TTLL8: variants seen among roughly 807,000 people sequenced by gnomAD.
TTLL8 encodes the protein tubulin tyrosine ligase like 8, also known as protein monoglycylase TTLL8.
In TTLL8, 65 loss-of-function variants were observed where a neutral mutation model predicts 77.8. The observed-to-expected ratio is 0.84, with a 90% CI of 0.68 to 1.03. TTLL8 has a LOEUF of 1.03. Ranked by LOEUF, TTLL8 falls within the 50% of genes least tolerant of loss-of-function variation. TTLL8 has a pLI of 0.00. For synonymous variants in TTLL8, 402 were observed against 422.8 expected (o/e 0.95, Z 0.60); for missense variants, 910 against 1,004.5 (o/e 0.91, Z 1.27).
upstream of TTLL8, among the ~76,000 whole-genome samples, chr22:50,056,532 G>C (rs1278817571): frequency 1.3e-5 from 2 of 152,302 alleles, no homozygotes; most frequent in Admixed American, 1.3e-4. This position sits in a 1 kb window ranked among gnomAD's most constrained non-coding sequence, Gnocchi z 4.1. Context: ...CAACGAAGAC[G>C]AGTCTGAAGA....
rs1308773263 is a variant in TTLL8 at position 50,044,331 on chromosome 22, C to A, written c.643+924G>T. 1.3e-5 allele frequency among the ~76,000 whole-genome samples: 2 copies of A among 150,756 alleles called. No individual in the cohort carries two copies. The highest frequency in any genetic ancestry group is 4.9e-5 in the African/African-American group (2 of 40,912). On this transcript the variant is annotated intron_variant, in intron 6 of 13. Transcript: ENST00000266182. This position sits in a 1 kb window ranked among gnomAD's most constrained non-coding sequence, Gnocchi z 4.2. ...AGACTCCATCTCAAAAAAAAAAAAA[C>A]ATTAATTAGGAGGCCATCAGATGAG...
rs2146675037 is a variant in TTLL8 at position 50,041,917 on chromosome 22, G to T, written c.644-110C>A. On this transcript the variant is annotated intron_variant, in intron 6 of 13. Transcript: ENST00000266182. The surrounding 1 kb of genome is among the most constrained non-coding windows in gnomAD (Gnocchi z 4.3). ...GGACAAAGGCTGCTCCACTCCCTCT[G>T]TGCCCCAATACCCAACAAGTATCCC... 1.0e-6 allele frequency: 1 copy of T among 969,014 alleles called. No individual in the cohort carries two copies. The highest frequency in any genetic ancestry group is 1.4e-6 in the Non-Finnish European group (1 of 732,538). The allele number at this position is 969,014 out of a possible 1,614,324, so 60.0% of individuals were successfully genotyped here.
At chr22:50,057,627 G>A (rs1405169007), upstream of TTLL8, among the ~76,000 whole-genome samples, 1 of 73,244 alleles carries the variant, frequency 1.4e-5, no homozygotes, top group African/African-American at 7.9e-5. Context: ...TGGGTTGGGG[G>A]TCAGGTCTGG....
exon 2 of TTLL8, chr22:50,050,140 C>T (rs368760205): frequency 2.3e-4 from 313 of 1,367,140 alleles, no homozygotes; most frequent in Non-Finnish European, 2.7e-4. Context: ...CCTCGACATC[C>T]GGAATGACCT....
In TTLL8 at chr22:50,031,639, C is replaced by T. The variant is rs1218855914; in HGVS notation, c.1707+47G>A. 4.1e-6 allele frequency: 5 copies of T among 1,222,624 alleles called. No individual in the cohort carries two copies. In the African/African-American group the frequency reaches 6.3e-5, roughly 15 times the overall value. The allele number at this position is 1,222,624 out of a possible 1,614,324, so 75.7% of individuals were successfully genotyped here. ...CCCAGTGACCAGGTGGCAAAGCATC[C>T]ACATGGCGGGCGGCCACCAAAGTCC... is the stretch of plus-strand genomic sequence containing the variant. On this transcript the variant is annotated intron_variant, in intron 11 of 13. Coordinates refer to ENST00000266182, the Ensembl canonical transcript of TTLL8.
At chr22:50,056,707 T>TG, upstream of TTLL8, 1 of 977,836 alleles carries the variant, frequency 1.0e-6, no homozygotes, top group Non-Finnish European at 1.2e-6. This position sits in a 1 kb window ranked among gnomAD's most constrained non-coding sequence, Gnocchi z 4.1. Flanking sequence ...CCTGGGGTCC[T>TG]CCGCCTGGAC....
chr22:50,049,865 G>A (rs979401711), intron 2 of TTLL8, among the ~76,000 whole-genome samples: 14 of 152,160 alleles, frequency 9.2e-5, no homozygotes, highest in African/African-American at 3.1e-4. Context: ...CGGGCAGGAG[G>A]AGGCCTGGGT....
Position 50,030,842 on chromosome 22 carries a change from C to T in TTLL8, c.1791G>A (p.Leu597=), listed in dbSNP as rs931649205. Residue 597 remains leucine (L), a synonymous_variant, in exon 12 of 14, where the codon CTG becomes CTA. Transcript: ENST00000266182. ...CCGAGGCCTTGAGGTTGCAGACGGG[C>T]AGCACCTGCCTCCTGGCTCTCCTCA... 6.0e-6 allele frequency: 8 copies of T among 1,340,516 alleles called. No homozygotes were observed. In the Admixed American group the frequency reaches 1.2e-4, roughly 20 times the overall value. The allele number at this position is 1,340,516 out of a possible 1,614,324, so 83.0% of individuals were successfully genotyped here.
At chr22:50,057,624 G>A (rs868198773), upstream of TTLL8, among the ~76,000 whole-genome samples, 5 of 49,694 alleles carry the variant, frequency 1.0e-4, 1 homozygote, top group African/African-American at 1.4e-4. Context: ...GTCTGGGTTG[G>A]GGGTCAGGTC....
chr22:50,054,524 G>C (rs1351633639), intron 1 of TTLL8: 1 of 187,008 alleles, frequency 5.3e-6, no homozygotes. Context: ...TGCACACACA[G>C]GTGGAGGCAC....
rs139757047 is a variant in TTLL8, at chr22:50,052,531, C to T, written c.51+2045G>A. Among the ~76,000 whole-genome samples, 45 of 152,234 alleles carry T rather than the reference C, an allele frequency of 3.0e-4. 1 individual carries two copies. The East Asian group carries it at 6.6e-3, about 22-fold the overall frequency. ...TAACAGACACACCTGAATACATCAA[C>T]GGTTTAATTATAGATAAATACACTA... On this transcript the variant is annotated intron_variant, in intron 1 of 13. Transcript: ENST00000266182.
At chr22:50,042,708 TCG>T (rs2061379465) in intron 6 of TTLL8, among the ~76,000 whole-genome samples, 1 of 152,124 alleles carries the variant, frequency 6.6e-6, no homozygotes, top group African/African-American at 2.4e-5. Flanking sequence ...CACGGGAGGA[TCG>T]CTGGAGCCTG....
At chr22:50,027,642 G>A (rs2061238685) in intron 12 of TTLL8, 1 of 985,442 alleles carries the variant, frequency 1.0e-6, no homozygotes, top group Non-Finnish European at 1.2e-6. Flanking sequence ...AAGCTCCAAG[G>A]GCCAGCACGC....
chr22:50,052,522 A>C (rs980780263), intron 1 of TTLL8, among the ~76,000 whole-genome samples: 2 of 152,238 alleles, frequency 1.3e-5, no homozygotes, highest in Non-Finnish European at 2.9e-5. Flanking sequence ...ACACACCTGA[A>C]TACATCAACG....
rs1044257805 is a variant in TTLL8, at chr22:50,027,493, C to T, written c.2203+2937G>A. 19 of 430,770 alleles carry T rather than the reference C, an allele frequency of 4.4e-5. 1 individual carries two copies. The highest frequency in any genetic ancestry group is 5.2e-5 in the Non-Finnish European group (17 of 326,650). The allele number at this position is 430,770 out of a possible 1,614,324, so 26.7% of individuals were successfully genotyped here. ...AGGTTGCAGTGAGCCAAGATCGAGC[C>T]ACTGCACTCCAGCCTGGGCAACAGA... On this transcript the variant is annotated intron_variant, in intron 12 of 13. Transcript: ENST00000266182.
chr22:50,051,970 C>T (rs190643975), intron 1 of TTLL8, among the ~76,000 whole-genome samples: 22 of 150,068 alleles, frequency 1.5e-4, no homozygotes, highest in Non-Finnish European at 2.5e-4. Context: ...ACACAGCGGA[C>T]GAAGCGGCAC....
chr22:50,036,604 T>TC, intron 8 of TTLL8, among the ~76,000 whole-genome samples: 1 of 118,582 alleles, frequency 8.4e-6, no homozygotes, highest in East Asian at 7.1e-4. Context: ...TTTCTTTTCT[T>TC]TTTTTTTTTT....
upstream of TTLL8, among the ~76,000 whole-genome samples, chr22:50,057,187 TG>T (rs1174255096): frequency 6.1e-5 from 3 of 49,022 alleles, no homozygotes; most frequent in Middle Eastern, 0.016. Flanking sequence ...GGTCTGGGGT[TG>T]GGGGTCAGGT....
At chr22:50,031,786 G>C in exon 11 of TTLL8, 5 of 1,366,600 alleles carry the variant, frequency 3.7e-6, no homozygotes, top group Non-Finnish European at 4.9e-6. Context: ...GGCCGTGACC[G>C]GCGTGGACGG....
Sources: allele counts gnomAD v4.1 joint callset (sites outside exome capture counted in the v4.1 genomes callset), GRCh38; gene constraint gnomAD v4.1.1; non-coding constraint Gnocchi (gnomAD v3.1); transcripts MANE v1.5; gene names NCBI Gene and HGNC (gene_info 2026-07-23, HGNC 2026-07-21).